Variants in WDR4 observed in about 807,000 individuals in gnomAD.
WDR4 encodes the protein tRNA (guanine-N(7)-)-methyltransferase non-catalytic subunit WDR4.
A neutral mutation model predicts 48.6 loss-of-function variants in WDR4; 47 were observed. That is an observed-to-expected ratio of 0.97 (90% CI 0.77 to 1.23). The LOEUF is 1.23. Among genes scored for constraint, WDR4 ranks in the 50% most tolerant of loss-of-function variants. The pLI, the probability that WDR4 is intolerant of heterozygous loss-of-function variation, is 0.00. For missense variants in WDR4, 606 were observed against 551.6 expected, an observed-to-expected ratio of 1.10 and a Z score of -0.99; for synonymous variants, 268 against 230.0, an observed-to-expected ratio of 1.17 and a Z score of -1.49.
At chr21:42,877,466 CTT>C (rs1235352234) in intron 1 of WDR4, among the ~76,000 whole-genome samples, 2 of 134,268 alleles carry the variant, frequency 1.5e-5, no homozygotes, top group Admixed American at 7.5e-5. Flanking sequence ...TAAAAGAGCA[CTT>C]TGTTAAAAAA....
At chr21:42,853,851 C>T in intron 8 of WDR4, 99 bp from the exon 9 acceptor site, 3 of 1,310,380 alleles carry the variant, frequency 2.3e-6, no homozygotes, top group Non-Finnish European at 3.1e-6. Flanking sequence ...GCCGGTGCCA[C>T]CTCAGGAGAG....
chr21:42,853,610 C>T lies in WDR4; in HGVS notation c.934G>A (p.Ala312Thr). The change falls in exon 9 of 11, where the codon GCC (alanine) becomes ACC (threonine). Residue 312 changes from alanine to threonine, a missense_variant. Coordinates refer to ENST00000398208, the MANE Select transcript of WDR4 (RefSeq NM_018669.6). Reference protein sequence around the residue: ...GLWVLQDCQEAPLVLYRPVGD... With the variant: ...GLWVLQDCQETPLVLYRPVGD... ...ACAGGCCTGTAGAGCACCAGGGGGG[C>T]TTCCTGGCAGTCCTGGAGCACCCAC... The T allele has an allele frequency of 6.2e-7, 1 of 1,610,132 alleles. No homozygotes were observed. The highest frequency in any genetic ancestry group is 8.5e-7 in the Non-Finnish European group (1 of 1,178,986).
At chr21:42,852,415 G>C (rs2057857744) in intron 9 of WDR4, 91 bp from the exon 10 acceptor site, 3 of 1,436,254 alleles carry the variant, frequency 2.1e-6, no homozygotes, top group South Asian at 2.4e-5. Context: ...AGAGAGGCTT[G>C]CAGGGGAGGT....
rs780806656 is a variant in WDR4, at chr21:42,879,467, C to T, written c.29G>A (p.Cys10Tyr). 1 of 1,613,700 alleles carries T rather than the reference C, an allele frequency of 6.2e-7. No homozygotes were observed. Among genetic ancestry groups the T allele is most frequent in the Non-Finnish European group, 8.5e-7 (1 of 1,179,898 alleles). Residue 10 changes from cysteine (C) to tyrosine (Y), a missense_variant, in exon 1 of 11, where the codon TGC becomes TAC. Cys to Tyr is a radical substitution (Grantham distance 194, BLOSUM62 -2). Coordinates refer to ENST00000398208, the MANE Select transcript of WDR4 (RefSeq NM_018669.6). MAGSVGLALCGQTLVVRGGS... is the reference protein window; with the variant it reads MAGSVGLALYGQTLVVRGGS... ...GCCCCGCACCACCAACGTCTGCCCGCACAACGCCAGTCCCACAGAGCCCGC... is the reference window on the plus strand; with the variant it reads ...GCCCCGCACCACCAACGTCTGCCCGTACAACGCCAGTCCCACAGAGCCCGC...
At chr21:42,861,586 C>T (rs1443189724) in intron 5 of WDR4, among the ~76,000 whole-genome samples, 49 of 152,114 alleles carry the variant, frequency 3.2e-4, no homozygotes, top group Non-Finnish European at 1.2e-4. Flanking sequence ...GGATCACTAG[C>T]GAACTAAATG....
At chr21:42,875,010 A>ATG (rs1436620983) in intron 2 of WDR4, among the ~76,000 whole-genome samples, 2 of 152,036 alleles carry the variant, frequency 1.3e-5, no homozygotes, top group African/African-American at 4.8e-5. Flanking sequence ...CCGACATGTG[A>ATG]TGTCTCCCCC....
chr21:42,879,014 C>T (rs1371415733), intron 1 of WDR4: 2 of 1,026,268 alleles, frequency 1.9e-6, no homozygotes, highest in Non-Finnish European at 2.3e-6. Flanking sequence ...AGACCCGCTT[C>T]TTCCCAGTTC....
upstream of WDR4, among the ~76,000 whole-genome samples, chr21:42,881,013 C>G (rs1342395447): frequency 2.0e-5 from 3 of 151,402 alleles, no homozygotes; most frequent in African/African-American, 7.3e-5. Flanking sequence ...TCACGCCATT[C>G]TCCTGCCTCA....
At chr21:42,887,234 C>T in the WDR4 span, among the ~76,000 whole-genome samples, 2 of 152,046 alleles carry the variant, frequency 1.3e-5, no homozygotes, top group Admixed American at 6.6e-5. Context: ...TCAGGTGATC[C>T]GCCCACCTTG....
At chr21:42,868,315 T>A (rs1280445890) in intron 3 of WDR4, among the ~76,000 whole-genome samples, 1 of 152,180 alleles carries the variant, frequency 6.6e-6, no homozygotes, top group Non-Finnish European at 1.5e-5. Flanking sequence ...AGACACTACC[T>A]CTGGACAGCA....
chr21:42,863,294 C>T (rs1261193531), intron 4 of WDR4, 146 bp downstream of exon 4: 11 of 988,396 alleles, frequency 1.1e-5, no homozygotes, highest in Non-Finnish European at 1.5e-5. Context: ...ATACCATGTC[C>T]CCCACGTACT....
the WDR4 span, among the ~76,000 whole-genome samples, chr21:42,888,414 C>A: frequency 1.3e-5 from 2 of 152,132 alleles, no homozygotes; most frequent in South Asian, 4.2e-4. Context: ...CAAAAATTAG[C>A]CAGGTGTGGT....
chr21:42,892,486 C>T, the WDR4 span, among the ~76,000 whole-genome samples: 1 of 84,370 alleles, frequency 1.2e-5, no homozygotes, highest in Non-Finnish European at 2.3e-5. Context: ...CTCAATGAAT[C>T]GCTAGCTGTG....
In WDR4 at chr21:42,862,394, C is replaced by T; in HGVS notation, c.454G>A (p.Ala152Thr). 1 of 1,601,410 alleles carries T rather than the reference C, an allele frequency of 6.2e-7. No individual in the cohort carries two copies. Reference sequence around the variant, plus strand: ...ATGAAGCGGTCATCAGGACTCACAGCCTGCATCACCAGGGGCCAGAAAAGA... The same window carrying T: ...ATGAAGCGGTCATCAGGACTCACAGTCTGCATCACCAGGGGCCAGAAAAGA... Reference protein sequence around the residue: ...LGHLSMLLDVAVSPDDRFILT... With the variant: ...LGHLSMLLDVTVSPDDRFILT... The change falls in exon 5 of 11, where the codon GCT (alanine) becomes ACT (threonine). Residue 152 changes from alanine (A) to threonine (T), a missense_variant and splice_region_variant. Transcript: ENST00000398208. This position sits in a 1 kb window ranked among gnomAD's most constrained non-coding sequence, Gnocchi z 4.3.
intron 3 of WDR4, among the ~76,000 whole-genome samples, chr21:42,864,825 T>C (rs1265662366): frequency 6.6e-6 from 1 of 152,168 alleles, no homozygotes; most frequent in Non-Finnish European, 1.5e-5. Flanking sequence ...ACCCATATGT[T>C]CTATTTTACA....
At chr21:42,879,169 G>A (rs1422243546) in intron 1 of WDR4, 11 of 1,331,712 alleles carry the variant, frequency 8.3e-6, no homozygotes, top group East Asian at 3.0e-5. Flanking sequence ...GCCATCTAGT[G>A]CAAGGAGCGC....
At chr21:42,859,521 C>T in intron 6 of WDR4, 141 bp downstream of exon 6, 2 of 870,082 alleles carry the variant, frequency 2.3e-6, no homozygotes, top group Non-Finnish European at 3.6e-6. Flanking sequence ...GAGCGAGCCG[C>T]AGGCAGCTCT....
intron 5 of WDR4, among the ~76,000 whole-genome samples, chr21:42,860,996 T>C (rs954041654): frequency 1.2e-4 from 18 of 152,054 alleles, no homozygotes; most frequent in African/African-American, 4.3e-4. Flanking sequence ...TTGTTTTCAA[T>C]TTGCCAGCCA....
chr21:42,847,298 A>T (rs1467664949), downstream of WDR4, among the ~76,000 whole-genome samples: 2 of 152,006 alleles, frequency 1.3e-5, no homozygotes, highest in Non-Finnish European at 1.5e-5. Context: ...AAGAGACAAA[A>T]CTCTAAATAC....
Sources: allele counts gnomAD v4.1 joint callset (sites outside exome capture counted in the v4.1 genomes callset), GRCh38; gene constraint gnomAD v4.1.1; non-coding constraint Gnocchi (gnomAD v3.1); transcripts MANE v1.5; gene names NCBI Gene and HGNC (gene_info 2026-07-23, HGNC 2026-07-21).